CEP112: variants seen among roughly 807,000 people sequenced by gnomAD.
CEP112 encodes centrosomal protein of 112 kDa.
Under a neutral mutation model 153.0 loss-of-function variants are expected in CEP112, and 127 were observed. That is an observed-to-expected ratio of 0.83 (90% CI 0.72 to 0.96). CEP112 has a LOEUF of 0.96. CEP112 is among the 40% of genes least tolerant of loss of function. CEP112 has a pLI of 0.00. For synonymous variants in CEP112, 358 were observed against 374.4 expected, an observed-to-expected ratio of 0.96 and a Z score of 0.51; for missense variants, 1,089 against 1,101.2, an observed-to-expected ratio of 0.99 and a Z score of 0.16.
chr17:65,658,672 CAGA>C (rs928847544), intron 24 of CEP112, among the ~76,000 whole-genome samples: 5 of 151,890 alleles, frequency 3.3e-5, no homozygotes, highest in African/African-American at 7.3e-5. Context: ...AATCACAGGC[CAGA>C]AGAAGAAGCT....
At chr17:65,637,376 C>T (rs375753024) in intron 25 of CEP112, among the ~76,000 whole-genome samples, 188 bp from the exon 26 acceptor site, 10 of 152,172 alleles carry the variant, frequency 6.6e-5, no homozygotes, top group South Asian at 2.1e-4. Context: ...CCATCAGTTA[C>T]GACAGAATAA....
intron 20 of CEP112, among the ~76,000 whole-genome samples, chr17:65,892,796 T>C (rs751202613): frequency 6.6e-6 from 1 of 152,214 alleles, no homozygotes; most frequent in Non-Finnish European, 1.5e-5. Context: ...AATGTCACTA[T>C]AACTGGAGCT....
At chr17:66,143,477 C>G (rs1291972778) in intron 4 of CEP112, among the ~76,000 whole-genome samples, 3 of 152,186 alleles carry the variant, frequency 2.0e-5, no homozygotes, top group Non-Finnish European at 4.4e-5. Flanking sequence ...AGCTCTCTGA[C>G]AGATAAGAGG....
chr17:66,094,055 ATTT>A (rs2068242032), intron 8 of CEP112, among the ~76,000 whole-genome samples: 1 of 151,832 alleles, frequency 6.6e-6, no homozygotes, highest in Non-Finnish European at 1.5e-5. Context: ...CATTATTATT[ATTT>A]TTATTTATTT....
In CEP112 at chr17:65,730,097, T is replaced by C. The variant is rs568579743; in HGVS notation, c.2607+12971A>G. Among the ~76,000 whole-genome samples, 49 of 152,352 alleles carry C rather than the reference T, an allele frequency of 3.2e-4. No homozygotes were observed. In the East Asian group the frequency reaches 3.7e-3, roughly 11 times the overall value. On this transcript the variant is annotated intron_variant, in intron 23 of 26. Transcript: ENST00000535342. Reference sequence around the variant, plus strand: ...CGTGTATTCGCTCATCAAACCTTAATTGATTCCTTAACGTACACAAGGCAA... The same window carrying C: ...CGTGTATTCGCTCATCAAACCTTAACTGATTCCTTAACGTACACAAGGCAA...
chr17:65,988,013 A>T (rs2063467727), intron 17 of CEP112, among the ~76,000 whole-genome samples: 1 of 152,008 alleles, frequency 6.6e-6, no homozygotes. Context: ...AGTCCTGGAA[A>T]CTCTGTTCTG....
intron 21 of CEP112, among the ~76,000 whole-genome samples, chr17:65,785,105 T>C (rs535324308): frequency 6.6e-6 from 1 of 152,354 alleles, no homozygotes; most frequent in East Asian, 1.9e-4. Flanking sequence ...ATGACCAGAT[T>C]CTTTCACTTA....
chr17:66,031,989 G>A (rs1233342863), intron 12 of CEP112, among the ~76,000 whole-genome samples: 3 of 152,122 alleles, frequency 2.0e-5, no homozygotes, highest in Non-Finnish European at 4.4e-5. Flanking sequence ...CACCACACCA[G>A]CAGTTTTCTC....
At chr17:66,120,972 G>A (rs1018037236) in intron 6 of CEP112, among the ~76,000 whole-genome samples, 8 of 151,998 alleles carry the variant, frequency 5.3e-5, no homozygotes, top group Non-Finnish European at 1.0e-4. Context: ...TTCTCTCTTG[G>A]TGCTTTCAAG....
At chr17:65,811,387 T>C (rs985447541) in intron 21 of CEP112, among the ~76,000 whole-genome samples, 2 of 152,072 alleles carry the variant, frequency 1.3e-5, no homozygotes, top group African/African-American at 4.8e-5. Context: ...ACTGCTAGTG[T>C]GAGGACGCTA....
intron 20 of CEP112, among the ~76,000 whole-genome samples, chr17:65,900,316 G>A (rs906059578): frequency 3.9e-5 from 6 of 152,058 alleles, no homozygotes; most frequent in African/African-American, 1.4e-4. Flanking sequence ...AGAAAGACAC[G>A]AAATATGAGA....
At chr17:65,750,492 T>C (rs1012212546) in intron 22 of CEP112, among the ~76,000 whole-genome samples, 170 bp downstream of exon 22, 2 of 152,086 alleles carry the variant, frequency 1.3e-5, no homozygotes, top group African/African-American at 2.4e-5. Context: ...TTTTAATGAC[T>C]GAAATATTAA....
At chr17:65,739,689 T>A (rs1048299260) in intron 23 of CEP112, among the ~76,000 whole-genome samples, 2 of 151,886 alleles carry the variant, frequency 1.3e-5, no homozygotes, top group Non-Finnish European at 2.9e-5. Context: ...TGAGCTGAGA[T>A]CGTGCCACTG....
chr17:65,938,428 A>AAAG (rs1568262073), intron 18 of CEP112, among the ~76,000 whole-genome samples: 2 of 141,422 alleles, frequency 1.4e-5, no homozygotes, highest in Admixed American at 1.4e-4. Context: ...AAAAAAAAAA[A>AAAG]AAAAGAAAGA....
chr17:66,092,356 A>AACACAC (rs3056819), intron 8 of CEP112, among the ~76,000 whole-genome samples: 42,571 of 134,886 alleles, frequency 0.32, 8,053 homozygotes, highest in Non-Finnish European at 0.43. Context: ...CATTAATTTA[A>AACACAC]ACACACACAC....
At chr17:65,971,481 A>ATT (rs1476670989) in intron 17 of CEP112, among the ~76,000 whole-genome samples, 9 of 130,566 alleles carry the variant, frequency 6.9e-5, no homozygotes, top group Non-Finnish European at 1.5e-4. Flanking sequence ...TCATGCATGT[A>ATT]TGACATGAAT....
intron 20 of CEP112, among the ~76,000 whole-genome samples, chr17:65,861,202 C>CCACT (rs1163775798): frequency 3.9e-5 from 6 of 152,120 alleles, no homozygotes; most frequent in Admixed American, 6.6e-5. Context: ...ATACTGAAAA[C>CCACT]CACTGAATGG....
chr17:66,162,346 G>A (rs1205042033), intron 4 of CEP112, among the ~76,000 whole-genome samples: 1 of 152,192 alleles, frequency 6.6e-6, no homozygotes, highest in African/African-American at 2.4e-5. Context: ...AGGATGGAGA[G>A]CCATGGGAAC....
intron 6 of CEP112, among the ~76,000 whole-genome samples, chr17:66,126,657 T>C (rs1171599679): frequency 1.3e-5 from 2 of 152,184 alleles, no homozygotes; most frequent in Non-Finnish European, 2.9e-5. Context: ...AATCTCTATT[T>C]GAATTATGTA....
Sources: allele counts gnomAD v4.1 joint callset (sites outside exome capture counted in the v4.1 genomes callset), GRCh38; gene constraint gnomAD v4.1.1; transcripts MANE v1.5; gene names NCBI Gene and HGNC (gene_info 2026-07-23, HGNC 2026-07-21).